MYO3B: variants seen among roughly 807,000 people sequenced by gnomAD.
MYO3B encodes myosin-IIIb.
MYO3B carries 156 observed loss-of-function variants against 174.6 expected under a neutral mutation model. That is an observed-to-expected ratio of 0.89 (90% CI 0.78 to 1.02). The LOEUF is 1.02. MYO3B is among the 50% of genes least tolerant of loss of function. The pLI is 0.00. For synonymous variants in MYO3B, 563 were observed against 569.1 expected, an observed-to-expected ratio of 0.99 and a Z score of 0.15; for missense variants, 1,632 against 1,639.4, an observed-to-expected ratio of 1.00 and a Z score of 0.08.
At chr2:170,648,830 AATAAT>A (rs1312421569) in intron 32 of MYO3B, among the ~76,000 whole-genome samples, 2 of 105,740 alleles carry the variant, frequency 1.9e-5, no homozygotes, top group Non-Finnish European at 3.5e-5. Context: ...GAATATTATA[AATAAT>A]ATATTCTATA....
intron 7 of MYO3B, among the ~76,000 whole-genome samples, chr2:170,297,329 CACAG>C (rs143868130): frequency 0.3 from 45,388 of 151,376 alleles, 6,915 homozygotes; most frequent in South Asian, 0.42. Context: ...GACATGCACC[CACAG>C]ACAGTTAAGG....
At position 170,199,262 on chromosome 2, in the gene MYO3B, A is replaced by G. The variant is rs35745676; in HGVS notation, c.57A>G (p.Ser19=). 0.028 allele frequency: 45,117 copies of G among 1,613,410 alleles called. 3,896 individuals are homozygous for G. In the East Asian group the frequency reaches 0.32, roughly 11 times the overall value. Residue 19 remains serine, a synonymous_variant, in exon 2 of 35, where the codon TCA becomes TCG. Coordinates refer to ENST00000408978, the MANE Select transcript of MYO3B (RefSeq NM_138995.5). ...ATCCTATGATGCTTGGACTTGAATC[A>G]CTTCCAGATCCCACAGACACCTGGG... ...HYNPMMLGLE[S]LPDPTDTWEI... is the part of the protein sequence containing the mutation.
At chr2:170,556,284 A>G (rs372758413) in intron 32 of MYO3B, among the ~76,000 whole-genome samples, 1 of 152,104 alleles carries the variant, frequency 6.6e-6, no homozygotes, top group African/African-American at 2.4e-5. Flanking sequence ...TTATGAGTGA[A>G]CCTACCATAA....
chr2:170,512,544 A>T (rs1489395676), intron 28 of MYO3B, among the ~76,000 whole-genome samples: 1 of 152,142 alleles, frequency 6.6e-6, no homozygotes, highest in Non-Finnish European at 1.5e-5. Context: ...CTAGATCACC[A>T]ACCAGGAAAC....
rs540709825 is a variant in MYO3B at position 170,602,499 on chromosome 2, C to T, written c.3734-49129C>T. Among the ~76,000 whole-genome samples, 9 of 152,308 alleles carry T rather than the reference C, an allele frequency of 5.9e-5. No individual in the cohort carries two copies. The South Asian group carries it at 1.7e-3, about 28-fold the overall frequency. ...ACAAAGTTTTGAATGCAGAGTGAAT[C>T]ACTGTTAATAGGATTTGTCTTCTCA... On this transcript the variant is annotated intron_variant, in intron 32 of 34. Transcript: ENST00000408978.
chr2:170,404,584 A>G (rs2105805825), intron 20 of MYO3B, among the ~76,000 whole-genome samples, 184 bp downstream of exon 20: 1 of 152,290 alleles, frequency 6.6e-6, no homozygotes, highest in Non-Finnish European at 1.5e-5. Context: ...AAGCAAACCC[A>G]TCGCTATTCC....
chr2:170,316,734 G>A (rs1167739776), intron 7 of MYO3B, among the ~76,000 whole-genome samples: 3 of 152,174 alleles, frequency 2.0e-5, no homozygotes, highest in Non-Finnish European at 4.4e-5. Flanking sequence ...TAACTCAGTC[G>A]ATAGTTATGG....
chr2:170,482,985 C>CT (rs1685793735), intron 25 of MYO3B, among the ~76,000 whole-genome samples: 1 of 152,348 alleles, frequency 6.6e-6, no homozygotes, highest in African/African-American at 2.4e-5. Context: ...TAAGCCCTGC[C>CT]TTTTTCATGG....
At chr2:170,601,828 T>C (rs766598134) in intron 32 of MYO3B, 67 of 1,005,084 alleles carry the variant, frequency 6.7e-5, no homozygotes, top group Non-Finnish European at 9.9e-5. Flanking sequence ...AAAAGTGTTA[T>C]TCCACATCTC....
intron 33 of MYO3B, 85 bp downstream of exon 33, chr2:170,651,819 C>CCGGGGGGGGGGG: frequency 1.8e-6 from 2 of 1,081,960 alleles, no homozygotes; most frequent in East Asian, 2.4e-5. Context: ...CCAGCCCCTG[C>CCGGGGGGGGGGG]AGCCCCACCC....
intron 8 of MYO3B, among the ~76,000 whole-genome samples, chr2:170,356,697 A>G (rs1464949484): frequency 1.3e-5 from 2 of 152,036 alleles, no homozygotes; most frequent in Admixed American, 6.6e-5. Flanking sequence ...CTGGAAAGCT[A>G]TATCTTTAGT....
intron 22 of MYO3B, among the ~76,000 whole-genome samples, chr2:170,436,463 G>A (rs761494653): frequency 3.5e-4 from 53 of 152,096 alleles, no homozygotes; most frequent in African/African-American, 1.2e-3. Context: ...CCTGGATTAC[G>A]ACTTTGATGT....
chr2:170,517,841 C>G (rs973957772), intron 29 of MYO3B, among the ~76,000 whole-genome samples: 1 of 151,262 alleles, frequency 6.6e-6, no homozygotes, highest in African/African-American at 2.4e-5. Context: ...GCCTGGTGCT[C>G]TAACTAGAGG....
chr2:170,570,856 C>T (rs2106277313), intron 32 of MYO3B, among the ~76,000 whole-genome samples: 1 of 152,112 alleles, frequency 6.6e-6, no homozygotes, highest in South Asian at 2.1e-4. Context: ...CTAGCATTAT[C>T]CCAGCAACCC....
intron 1 of MYO3B, among the ~76,000 whole-genome samples, chr2:170,181,690 T>C (rs953322877): frequency 3.9e-5 from 6 of 152,174 alleles, no homozygotes; most frequent in Admixed American, 6.5e-5. Context: ...TCTGCATCGA[T>C]CGAGATGATG....
intron 8 of MYO3B, among the ~76,000 whole-genome samples, chr2:170,361,002 T>C (rs986186897): frequency 2.0e-5 from 3 of 152,248 alleles, no homozygotes; most frequent in African/African-American, 7.2e-5. Flanking sequence ...AAGACACTTA[T>C]GTAGCACTCA....
chr2:170,653,148 C>T lies in MYO3B; in HGVS notation c.*27C>T. ...TTGTGCTTCCTAACCCTAAATCTGT[C>T]CAGAGTAGGAACATTCATGGTAATC... On this transcript the variant is annotated 3_prime_UTR_variant, in exon 35 of 35. Coordinates refer to ENST00000408978, the MANE Select transcript of MYO3B (RefSeq NM_138995.5). The T allele has an allele frequency of 6.2e-7, 1 of 1,613,434 alleles. No individual in the cohort carries two copies. The highest frequency in any genetic ancestry group is 8.5e-7 in the Non-Finnish European group (1 of 1,179,496).
At chr2:170,265,797 C>A (rs1449465550) in intron 7 of MYO3B, among the ~76,000 whole-genome samples, 2 of 152,168 alleles carry the variant, frequency 1.3e-5, no homozygotes, top group East Asian at 3.9e-4. Flanking sequence ...TTTCTTGGCT[C>A]ATTCTAAAAA....
intron 14 of MYO3B, among the ~76,000 whole-genome samples, chr2:170,388,316 A>G (rs916044184): frequency 1.3e-5 from 2 of 152,156 alleles, no homozygotes; most frequent in African/African-American, 4.8e-5. Context: ...AACAATTGTA[A>G]TAAGCACCAG....
Sources: gnomAD v4.1 joint callset for allele counts (sites outside exome capture counted in the v4.1 genomes callset) on GRCh38, gnomAD v4.1.1 for gene constraint, MANE v1.5 for transcripts, NCBI Gene and HGNC (gene_info 2026-07-23, HGNC 2026-07-21) for gene names.